CHIC2: variants seen among roughly 807,000 people sequenced by gnomAD.
The protein encoded by CHIC2 is cysteine-rich hydrophobic domain-containing protein 2.
Under a neutral mutation model 25.9 loss-of-function variants are expected in CHIC2, and 14 were observed. The ratio of observed to expected loss-of-function variants is 0.54; its 90% CI spans 0.36 to 0.85. The LOEUF (loss-of-function observed/expected upper bound fraction) is 0.85, where lower values mean the gene tolerates loss of function less well. Ranked by LOEUF, CHIC2 falls within the 40% of genes least tolerant of loss-of-function variation. The probability of loss-of-function intolerance (pLI) is 0.01; values close to 1 mark genes in which losing one functional copy is unlikely to be tolerated. For synonymous variants in CHIC2, 70 were observed against 72.0 expected (o/e 0.97, Z 0.14); for missense variants, 146 against 202.0 (o/e 0.72, Z 1.68).
At chr4:54,090,467 G>A in the CHIC2 span, among the ~76,000 whole-genome samples, 2 of 152,150 alleles carry the variant, frequency 1.3e-5, no homozygotes, top group Non-Finnish European at 2.9e-5. Flanking sequence ...TTATTGACAT[G>A]AGCCACCACA....
intron 3 of CHIC2, among the ~76,000 whole-genome samples, chr4:54,016,592 C>A (rs1715745152): frequency 6.6e-6 from 1 of 152,042 alleles, no homozygotes; most frequent in Non-Finnish European, 1.5e-5. Flanking sequence ...AATATTTCTA[C>A]ACACTTCACA....
intron 3 of CHIC2, among the ~76,000 whole-genome samples, chr4:54,030,546 AT>A (rs1716195331): frequency 7.6e-6 from 1 of 131,652 alleles, no homozygotes; most frequent in South Asian, 2.4e-4. Flanking sequence ...AAATATATAT[AT>A]ATATGTATAC....
chr4:54,012,236 T>C (rs1453158631), intron 5 of CHIC2, among the ~76,000 whole-genome samples: 2 of 152,032 alleles, frequency 1.3e-5, no homozygotes, highest in Non-Finnish European at 2.9e-5. Flanking sequence ...GCATGCCCAC[T>C]ACACCCAGCT....
chr4:54,080,203 T>A, the CHIC2 span, among the ~76,000 whole-genome samples: 1 of 148,536 alleles, frequency 6.7e-6, no homozygotes, highest in Non-Finnish European at 1.5e-5. Context: ...TATATGTGTA[T>A]ATATATATAT....
the CHIC2 span, among the ~76,000 whole-genome samples, chr4:54,083,616 C>A: frequency 6.6e-6 from 1 of 152,094 alleles, no homozygotes. Context: ...AATTAGTAAC[C>A]AAGGCTCATT....
At chr4:54,024,483 T>C (rs181624466) in intron 3 of CHIC2, among the ~76,000 whole-genome samples, 2 of 152,286 alleles carry the variant, frequency 1.3e-5, no homozygotes. Context: ...ACACTATCAA[T>C]CGCACTCACT....
chr4:54,032,387 T>G (rs1438159266), intron 3 of CHIC2, among the ~76,000 whole-genome samples: 2 of 150,678 alleles, frequency 1.3e-5, no homozygotes, highest in Non-Finnish European at 2.9e-5. Flanking sequence ...TGCCTCAGCC[T>G]GCCGAGTGCC....
rs371501645 is a variant in CHIC2, at chr4:54,026,716, C to CT, written c.331-12598dup. ...TTTTTATTTCCTAGTATGCCAAACT[C>CT]TGACAGTTTTTGTCTTTTAAGTTTC... On this transcript the variant is annotated intron_variant, in intron 3 of 5. Coordinates refer to ENST00000263921, the MANE Select transcript of CHIC2 (RefSeq NM_012110.4). Among the ~76,000 whole-genome samples, 783 of 152,252 alleles carry CT rather than the reference C, an allele frequency of 5.1e-3. 8 individuals are homozygous for CT. Among genetic ancestry groups the CT allele is most frequent in the African/African-American group, 0.017 (722 of 41,542 alleles).
Position 54,064,423 on chromosome 4 carries a change from G to A in CHIC2, c.-123C>T. ...CTGCCGCCGGCTCCGAGGCCGCGGA[G>A]TTCGCTGTCGGCTGTCTCGGCTCCG... On this transcript the variant is annotated 5_prime_UTR_variant, in exon 1 of 6. Transcript: ENST00000263921. The surrounding 1 kb of genome is among the most constrained non-coding windows in gnomAD (Gnocchi z 4.2). 5 of 1,524,106 alleles carry A rather than the reference G, an allele frequency of 3.3e-6. No homozygotes were observed. The South Asian group carries it at 6.1e-5, about 19-fold the overall frequency. 94.4% of individuals were successfully genotyped at this position (1,524,106 alleles called of 1,614,324 possible).
chr4:54,078,805 G>A, the CHIC2 span, among the ~76,000 whole-genome samples: 10 of 152,004 alleles, frequency 6.6e-5, no homozygotes, highest in Non-Finnish European at 8.8e-5. Context: ...GTGAGCCACC[G>A]TTCCCGGCCT....
intron 5 of CHIC2, among the ~76,000 whole-genome samples, chr4:54,012,021 A>G (rs1379944687): frequency 6.6e-6 from 1 of 152,054 alleles, no homozygotes; most frequent in East Asian, 1.9e-4. Context: ...CATTTTTATA[A>G]ATTTTTTAAG....
At chr4:54,024,048 C>T (rs770334004) in intron 3 of CHIC2, among the ~76,000 whole-genome samples, 17 of 152,178 alleles carry the variant, frequency 1.1e-4, no homozygotes, top group Non-Finnish European at 2.2e-4. Flanking sequence ...AAGCAGCTAG[C>T]GTTCCAACTT....
the CHIC2 span, among the ~76,000 whole-genome samples, chr4:54,080,168 A>G: frequency 7.6e-6 from 1 of 131,744 alleles, no homozygotes; most frequent in Non-Finnish European, 1.7e-5. Flanking sequence ...ATGTGTATAT[A>G]TATATGTGTA....
rs953420531 is a variant in CHIC2, at chr4:54,049,271, G to C, written c.154C>G (p.Pro52Ala). ...GLSNKFESEF[P>A]SSLTGKVAPE... is the part of the protein sequence containing the mutation. ...CTCACTTTTCCAGTTAATGAAGAAG[G>C]GAATTCAGATTCAAATTTGTTGCTC... is the stretch of plus-strand genomic sequence containing the variant. Residue 52 changes from proline to alanine, a missense_variant, in exon 2 of 6, where the codon CCT becomes GCT. Transcript: ENST00000263921. 1 of 1,602,670 alleles carries C rather than the reference G, an allele frequency of 6.2e-7. No homozygotes were observed.
the CHIC2 span, among the ~76,000 whole-genome samples, chr4:54,083,695 G>A: frequency 6.6e-6 from 1 of 152,120 alleles, no homozygotes; most frequent in African/African-American, 2.4e-5. Context: ...TGATTAATGT[G>A]ACACTTATCA....
At chr4:54,069,071 T>C (rs999615757), upstream of CHIC2, among the ~76,000 whole-genome samples, 4 of 152,206 alleles carry the variant, frequency 2.6e-5, no homozygotes, top group African/African-American at 9.6e-5. Flanking sequence ...TTATTATTTA[T>C]TTATTGAGAC....
intron 3 of CHIC2, among the ~76,000 whole-genome samples, chr4:54,039,798 A>G (rs774017337): frequency 6.6e-6 from 1 of 152,240 alleles, no homozygotes; most frequent in African/African-American, 2.4e-5. Flanking sequence ...AGTGTCTTCA[A>G]CTGATAAATG....
upstream of CHIC2, among the ~76,000 whole-genome samples, chr4:54,069,279 T>G (rs1252006733): frequency 6.6e-6 from 1 of 152,166 alleles, no homozygotes; most frequent in Non-Finnish European, 1.5e-5. Context: ...CTACCCACCT[T>G]GGTCTCCAAA....
chr4:54,022,457 G>C (rs952752638), intron 3 of CHIC2, among the ~76,000 whole-genome samples: 2 of 151,970 alleles, frequency 1.3e-5, no homozygotes, highest in African/African-American at 4.8e-5. Context: ...GGTATTGATG[G>C]CCAGGCTTCT....
Sources: allele counts gnomAD v4.1 joint callset (sites outside exome capture counted in the v4.1 genomes callset), GRCh38; gene constraint gnomAD v4.1.1; non-coding constraint Gnocchi (gnomAD v3.1); transcripts MANE v1.5; gene names NCBI Gene and HGNC (gene_info 2026-07-23, HGNC 2026-07-21).